Variants in TCTN2 observed in about 807,000 individuals in gnomAD.
TCTN2 encodes tectonic family member 2, also known as tectonic-2.
TCTN2 carries 66 observed loss-of-function variants against 83.4 expected under a neutral mutation model. That is an observed-to-expected ratio of 0.79 (90% confidence interval 0.65 to 0.97). The LOEUF is 0.97. Ranked by LOEUF, TCTN2 falls within the 50% of genes least tolerant of loss-of-function variation. TCTN2 has a pLI of 0.00. For missense variants in TCTN2, 794 were observed against 858.1 expected (o/e 0.93, Z 0.93); for synonymous variants, 301 against 326.7 (o/e 0.92, Z 0.85).
intron 5 of TCTN2, among the ~76,000 whole-genome samples, chr12:123,681,061 G>A (rs150185020): frequency 1.8e-3 from 270 of 152,028 alleles, no homozygotes; most frequent in African/African-American, 6.1e-3. Flanking sequence ...TTGAGTTCAG[G>A]AGTTGGATAC....
intron 3 of TCTN2, among the ~76,000 whole-genome samples, chr12:123,673,296 G>A (rs1955778602): frequency 6.6e-6 from 1 of 152,116 alleles, no homozygotes; most frequent in Admixed American, 6.6e-5. Context: ...CTTTTTTTGT[G>A]TATTTACTCT....
intron 4 of TCTN2, among the ~76,000 whole-genome samples, chr12:123,676,635 G>T (rs1385528313): frequency 7.2e-6 from 1 of 139,444 alleles, no homozygotes; most frequent in African/African-American, 2.7e-5. Flanking sequence ...TAATATTTTA[G>T]AATACCAAAC....
Position 123,671,119 on chromosome 12 carries a change from C to T in TCTN2, c.-122C>T. 2.1e-6 allele frequency: 2 copies of T among 967,940 alleles called. No homozygotes were observed. The highest frequency in any genetic ancestry group is 1.4e-5 in the South Asian group (1 of 72,142). 60.0% of individuals were successfully genotyped at this position (967,940 alleles called of 1,614,324 possible). ...CCGCCGATTGGTGGTTGCCATAGCT[C>T]CGGGCGTTCGCTTGCAAGATGGCGG... On this transcript the variant is annotated 5_prime_UTR_variant, in exon 1 of 18. Transcript: ENST00000303372.
chr12:123,679,884 C>T (rs1318177225), intron 5 of TCTN2, among the ~76,000 whole-genome samples: 2 of 151,148 alleles, frequency 1.3e-5, no homozygotes, highest in South Asian at 2.1e-4. Context: ...GGACTACAGG[C>T]GCCCACCACC....
At chr12:123,689,054 T>A (rs115665935) in intron 7 of TCTN2, among the ~76,000 whole-genome samples, 4,792 of 151,738 alleles carry the variant, frequency 0.032, 199 homozygotes, top group African/African-American at 0.09. Flanking sequence ...TTTTTTTTTT[T>A]AAATTAAAAA....
chr12:123,692,726 A>G lies in TCTN2; in HGVS notation c.1099+3A>G. The G allele has an allele frequency of 6.2e-7, 1 of 1,609,544 alleles. No homozygotes were observed. The highest frequency in any genetic ancestry group is 8.5e-7 in the Non-Finnish European group (1 of 1,175,922). On this transcript the variant is annotated splice_donor_region_variant and intron_variant, in intron 9 of 17. Coordinates refer to ENST00000303372, the MANE Select transcript of TCTN2 (RefSeq NM_024809.5). The stretch of plus-strand genomic sequence containing the variant: ...AGACAAATTCATCACCAATACAGGT[A>G]TTTAATGTTACACTTTGACGTCATT...
intron 5 of TCTN2, among the ~76,000 whole-genome samples, chr12:123,682,638 C>A (rs187697484): frequency 2.0e-3 from 302 of 151,932 alleles, no homozygotes; most frequent in African/African-American, 6.6e-3. Flanking sequence ...CGTGCCACCA[C>A]GCCTGGCTAA....
At chr12:123,696,328 T>C in intron 11 of TCTN2, 87 bp from the exon 12 acceptor site, 2 of 1,130,416 alleles carry the variant, frequency 1.8e-6, no homozygotes, top group South Asian at 2.5e-5. Context: ...TTTTCTTTCC[T>C]TGTGCATGAC....
chr12:123,680,086 C>T (rs1346301219), intron 5 of TCTN2, among the ~76,000 whole-genome samples: 2 of 151,866 alleles, frequency 1.3e-5, no homozygotes, highest in Non-Finnish European at 2.9e-5. Context: ...GGCGCAGTGG[C>T]GCATACCTGT....
At chr12:123,706,059 C>T (rs1956225956) in intron 15 of TCTN2, among the ~76,000 whole-genome samples, 1 of 152,146 alleles carries the variant, frequency 6.6e-6, no homozygotes, top group Non-Finnish European at 1.5e-5. Flanking sequence ...CCCGGCCCCT[C>T]CTCTTTCTCA....
Position 123,679,736 on chromosome 12 carries a change from G to GTTT in TCTN2, c.564+466_564+468dup, listed in dbSNP as rs768949387. Among the ~76,000 whole-genome samples the GTTT allele has an allele frequency of 9.3e-4, 98 of 105,740 alleles. 1 individual carries two copies. Among genetic ancestry groups the GTTT allele is most frequent in the Non-Finnish European group, 1.3e-3 (67 of 51,490 alleles). 69.4% of individuals were successfully genotyped at this position (105,740 alleles called of 152,430 possible). Reference sequence around the variant, plus strand: ...CTATTGCAAATTGTTTTCAAATTGAGTTTTTTTTTTTTTTTTTTTTTGAGA... The same window carrying GTTT: ...CTATTGCAAATTGTTTTCAAATTGAGTTTTTTTTTTTTTTTTTTTTTTTTGAGA... On this transcript the variant is annotated intron_variant, in intron 5 of 17. Transcript: ENST00000303372.
chr12:123,706,046 G>A (rs1013891230), intron 15 of TCTN2, among the ~76,000 whole-genome samples: 1 of 152,118 alleles, frequency 6.6e-6, no homozygotes, highest in African/African-American at 2.4e-5. Context: ...ATGAGTCACC[G>A]TGCCCGGCCC....
At position 123,699,808 on chromosome 12, in the gene TCTN2, T is replaced by C. The variant is rs777823427; in HGVS notation, c.1610T>C (p.Ile537Thr). The change falls in exon 14 of 18, where the codon ATA becomes ACA. Residue 537 changes from isoleucine to threonine, a missense_variant and splice_region_variant. Physicochemically the swap from Ile to Thr is moderately conservative, Grantham distance 89. Coordinates refer to ENST00000303372, the MANE Select transcript of TCTN2 (RefSeq NM_024809.5). ...ADLSDGWLEI[I>T]RVDAPDPGAD... ...CTTAGTGATGGCTGGCTCGAAATAATACGTAAGTCAAACCCGGGTACAATA... is the reference window on the plus strand; with the variant it reads ...CTTAGTGATGGCTGGCTCGAAATAACACGTAAGTCAAACCCGGGTACAATA... 1.2e-6 allele frequency: 2 copies of C among 1,613,498 alleles called. No individual in the cohort carries two copies. The highest frequency in any genetic ancestry group is 2.2e-5 in the South Asian group (2 of 91,074).
At chr12:123,699,055 A>G (rs1023285588) in intron 13 of TCTN2, among the ~76,000 whole-genome samples, 3 of 152,136 alleles carry the variant, frequency 2.0e-5, no homozygotes, top group Non-Finnish European at 4.4e-5. Flanking sequence ...TGGCCCACGA[A>G]TGTATCCTGC....
chr12:123,679,311 C>G (rs1401615774), intron 5 of TCTN2, 22 bp downstream of exon 5: 8 of 1,603,130 alleles, frequency 5.0e-6, no homozygotes, highest in Non-Finnish European at 6.8e-6. Flanking sequence ...GGTTATTGGG[C>G]ACAAAAGTTA....
chr12:123,676,961 C>G (rs531077029), intron 4 of TCTN2, among the ~76,000 whole-genome samples: 1 of 152,002 alleles, frequency 6.6e-6, no homozygotes, highest in Non-Finnish European at 1.5e-5. Flanking sequence ...GAGGATCACT[C>G]GAGCCCAGGA....
chr12:123,690,527 C>T lies in TCTN2; in HGVS notation c.892-6C>T, dbSNP rs1220468187. On this transcript the variant is annotated splice_region_variant and splice_polypyrimidine_tract_variant and intron_variant, in intron 7 of 17. Transcript: ENST00000303372. ...TAAATCTGTTGGCTTTGCCCTTCTC[C>T]CTCAGGTGTCCCTGGCTGGGCAGTG... 1.2e-6 allele frequency: 2 copies of T among 1,614,170 alleles called. No homozygotes were observed. The highest frequency in any genetic ancestry group is 2.2e-5 in the East Asian group (1 of 44,886).
intron 14 of TCTN2, among the ~76,000 whole-genome samples, chr12:123,701,308 G>A (rs61082817): frequency 0.055 from 8,326 of 152,208 alleles, 447 homozygotes; most frequent in African/African-American, 0.13. Flanking sequence ...GTGATAAAAT[G>A]TTCTAAAATA....
chr12:123,703,059 C>T (rs11611540), intron 14 of TCTN2, among the ~76,000 whole-genome samples: 4,908 of 152,256 alleles, frequency 0.032, 101 homozygotes, highest in Non-Finnish European at 0.05. Context: ...ATTTCTCATT[C>T]AATTTCATTC....
Sources: allele counts gnomAD v4.1 joint callset (sites outside exome capture counted in the v4.1 genomes callset), GRCh38; gene constraint gnomAD v4.1.1; transcripts MANE v1.5; gene names NCBI Gene and HGNC (gene_info 2026-07-23, HGNC 2026-07-21).